The following PTPRK variants were observed in gnomAD, a reference collection of about 807,000 sequenced individuals.
PTPRK encodes the protein receptor-type tyrosine-protein phosphatase kappa.
A neutral mutation model predicts 178.0 loss-of-function variants in PTPRK; 75 were observed. The observed-to-expected ratio is 0.42, with a 90% CI of 0.35 to 0.51. PTPRK has a LOEUF of 0.51. Among genes scored for constraint, PTPRK ranks in the 20% least tolerant of loss-of-function variants. The probability of loss-of-function intolerance (pLI) is 0.02; values close to 1 mark genes in which losing one functional copy is unlikely to be tolerated. For missense variants in PTPRK, 1,441 were observed against 1,797.8 expected (o/e 0.80, Z 3.59); for synonymous variants, 637 against 620.6 (o/e 1.03, Z -0.39).
chr6:128,098,485 T>C (rs571136836), intron 7 of PTPRK, among the ~76,000 whole-genome samples: 4 of 152,182 alleles, frequency 2.6e-5, no homozygotes, highest in Admixed American at 2.0e-4. Context: ...ACCCGAGTCG[T>C]ACCAGCAGAA....
chr6:128,430,465 C>T (rs1404765310), intron 1 of PTPRK, among the ~76,000 whole-genome samples: 1 of 152,122 alleles, frequency 6.6e-6, no homozygotes, highest in African/African-American at 2.4e-5. Flanking sequence ...AAGAATTTAT[C>T]AAGTGTTCAT....
intron 1 of PTPRK, among the ~76,000 whole-genome samples, chr6:128,467,371 GAAGA>G (rs1362575853): frequency 3.3e-5 from 5 of 152,130 alleles, no homozygotes; most frequent in African/African-American, 1.2e-4. Flanking sequence ...CATACAAAAA[GAAGA>G]AAGTAAACCC....
chr6:128,300,265 C>T (rs1825342650), intron 3 of PTPRK, among the ~76,000 whole-genome samples: 2 of 152,102 alleles, frequency 1.3e-5, no homozygotes, highest in South Asian at 4.1e-4. Flanking sequence ...CACTTTTACA[C>T]TCTTGGTGGG....
chr6:128,258,908 G>A (rs1201727595), intron 3 of PTPRK, among the ~76,000 whole-genome samples: 1 of 152,176 alleles, frequency 6.6e-6, no homozygotes, highest in Non-Finnish European at 1.5e-5. Context: ...ATTTAACGTG[G>A]AGCTAGCCAA....
chr6:128,420,086 A>C (rs1396859339), intron 1 of PTPRK, among the ~76,000 whole-genome samples: 2 of 152,194 alleles, frequency 1.3e-5, no homozygotes, highest in African/African-American at 4.8e-5. Flanking sequence ...ATATCACTAC[A>C]TTTCCAAACT....
chr6:128,126,160 A>G (rs1205109463), intron 7 of PTPRK, among the ~76,000 whole-genome samples: 3 of 151,752 alleles, frequency 2.0e-5, no homozygotes, highest in Admixed American at 1.3e-4. Context: ...TCAACCCGTC[A>G]TCTAGGTTTT....
chr6:128,075,438 C>T (rs771759918), intron 11 of PTPRK, among the ~76,000 whole-genome samples: 6 of 151,994 alleles, frequency 3.9e-5, no homozygotes, highest in Non-Finnish European at 8.8e-5. Context: ...CTCTCCATGA[C>T]CTAGGCTATC....
chr6:128,466,709 G>A (rs1274905933), intron 1 of PTPRK, among the ~76,000 whole-genome samples: 4 of 152,024 alleles, frequency 2.6e-5, no homozygotes, highest in Admixed American at 2.0e-4. Flanking sequence ...TATACAATAT[G>A]GCTCATTTTA....
chr6:128,033,234 T>C (rs1340674505), intron 13 of PTPRK, among the ~76,000 whole-genome samples: 1 of 152,206 alleles, frequency 6.6e-6, no homozygotes, highest in Non-Finnish European at 1.5e-5. Context: ...ACGACAGAAC[T>C]AAGCTTTTAA....
At chr6:128,115,133 G>A (rs1469524161) in intron 7 of PTPRK, among the ~76,000 whole-genome samples, 2 of 152,022 alleles carry the variant, frequency 1.3e-5, no homozygotes, top group Admixed American at 6.6e-5. Context: ...CCAACTTCCA[G>A]CTACTGGACT....
At chr6:128,071,569 A>G (rs932456620) in intron 11 of PTPRK, among the ~76,000 whole-genome samples, 1 of 152,016 alleles carries the variant, frequency 6.6e-6, no homozygotes, top group African/African-American at 2.4e-5. Flanking sequence ...TCCTTGTACC[A>G]GTATCCCTCA....
intron 3 of PTPRK, among the ~76,000 whole-genome samples, chr6:128,267,704 T>A (rs1171187670): frequency 6.6e-6 from 1 of 152,126 alleles, no homozygotes; most frequent in African/African-American, 2.4e-5. Context: ...GAACTGTGGC[T>A]ATGTAACAGT....
intron 6 of PTPRK, among the ~76,000 whole-genome samples, chr6:128,188,554 G>A (rs373920844): frequency 8.5e-5 from 13 of 152,160 alleles, no homozygotes; most frequent in African/African-American, 1.2e-4. Context: ...ATAAAGTATC[G>A]TAAGATTAGT....
intron 5 of PTPRK, among the ~76,000 whole-genome samples, chr6:128,222,199 G>T (rs934920240): frequency 2.6e-5 from 4 of 152,194 alleles, no homozygotes; most frequent in Admixed American, 2.0e-4. Flanking sequence ...CTTGTGAAGA[G>T]ATTCTGAGTA....
intron 13 of PTPRK, among the ~76,000 whole-genome samples, chr6:128,046,000 G>A (rs1411365034): frequency 6.6e-6 from 1 of 152,024 alleles, no homozygotes; most frequent in African/African-American, 2.4e-5. Flanking sequence ...TAATTTTTTA[G>A]TACCTTTATA....
intron 13 of PTPRK, among the ~76,000 whole-genome samples, chr6:128,040,006 C>A (rs1776902951): frequency 1.3e-5 from 2 of 152,198 alleles, no homozygotes; most frequent in African/African-American, 4.8e-5. Flanking sequence ...TTAAAAAAAG[C>A]AAATTAATAA....
intron 7 of PTPRK, among the ~76,000 whole-genome samples, chr6:128,098,145 A>G (rs1444403112): frequency 2.6e-5 from 4 of 152,198 alleles, no homozygotes; most frequent in African/African-American, 9.6e-5. Flanking sequence ...TGAACAATAA[A>G]GCAGGTAGTT....
intron 1 of PTPRK, among the ~76,000 whole-genome samples, chr6:128,505,759 C>T (rs998213493): frequency 6.6e-6 from 1 of 152,120 alleles, no homozygotes; most frequent in Non-Finnish European, 1.5e-5. Flanking sequence ...ATCTAAAGCT[C>T]GAGTCTAACA....
intron 5 of PTPRK, chr6:128,235,567 C>A: frequency 2.0e-6 from 1 of 510,436 alleles, no homozygotes; most frequent in South Asian, 1.5e-5. Flanking sequence ...GCACTTTGGG[C>A]AGTTGCAGTT....
Sources: gnomAD v4.1 joint callset for allele counts (sites outside exome capture counted in the v4.1 genomes callset) on GRCh38, gnomAD v4.1.1 for gene constraint, MANE v1.5 for transcripts, NCBI Gene and HGNC (gene_info 2026-07-23, HGNC 2026-07-21) for gene names.